RMDN2: variants seen among roughly 807,000 people sequenced by gnomAD.
The protein encoded by RMDN2 is regulator of microtubule dynamics protein 2.
In RMDN2, 61 loss-of-function variants were observed where a neutral mutation model predicts 52.8. The ratio of observed to expected loss-of-function variants is 1.16; its 90% CI spans 0.94 to 1.43. The LOEUF is 1.43. RMDN2 is among the 40% of genes most tolerant of loss of function. The probability of loss-of-function intolerance (pLI) is 0.00; values close to 1 mark genes in which losing one functional copy is unlikely to be tolerated. For synonymous variants in RMDN2, 180 were observed against 153.1 expected, an observed-to-expected ratio of 1.18 and a Z score of -1.30; for missense variants, 592 against 475.3, an observed-to-expected ratio of 1.25 and a Z score of -2.28.
At chr2:37,964,283 C>G (rs1670742034) in intron 2 of RMDN2, among the ~76,000 whole-genome samples, 1 of 152,228 alleles carries the variant, frequency 6.6e-6, no homozygotes, top group African/African-American at 2.4e-5. Context: ...GTCCGTTGTA[C>G]AAAAATCTTC....
intron 2 of RMDN2, among the ~76,000 whole-genome samples, chr2:37,946,651 C>T (rs560972807): frequency 5.9e-5 from 9 of 152,300 alleles, no homozygotes; most frequent in South Asian, 2.1e-4. Context: ...AAGGATTACT[C>T]AGGAGGTGGT....
chr2:37,932,939 C>T (rs950897901), intron 2 of RMDN2, among the ~76,000 whole-genome samples: 4 of 150,104 alleles, frequency 2.7e-5, no homozygotes, highest in Admixed American at 6.6e-5. Flanking sequence ...CCCTCCCGGA[C>T]GAGGTGGCTG....
At chr2:37,973,748 G>A (rs1436587249) in intron 2 of RMDN2, among the ~76,000 whole-genome samples, 1 of 152,084 alleles carries the variant, frequency 6.6e-6, no homozygotes, top group Non-Finnish European at 1.5e-5. Context: ...AGCAAGTGGA[G>A]GTTCCGAGGT....
chr2:38,004,503 C>T (rs898806496), intron 10 of RMDN2, among the ~76,000 whole-genome samples: 1 of 152,104 alleles, frequency 6.6e-6, no homozygotes, highest in African/African-American at 2.4e-5. Flanking sequence ...GATCCACTCT[C>T]TTAGCAAATT....
chr2:37,939,579 A>G lies in RMDN2; in HGVS notation c.452+9850A>G, dbSNP rs138409428. On this transcript the variant is annotated intron_variant, in intron 2 of 10. Coordinates refer to ENST00000354545, the MANE Select transcript of RMDN2 (RefSeq NM_001170791.3). ...GCTTTATGAATCTGGGTGCTCTTGT[A>G]TTGGGTGAGTATATATTTAGGATAG... Among the ~76,000 whole-genome samples, 641 of 152,270 alleles carry G rather than the reference A, an allele frequency of 4.2e-3. 7 individuals carry two copies. The highest frequency in any genetic ancestry group is 0.014 in the African/African-American group (585 of 41,556).
downstream of RMDN2, among the ~76,000 whole-genome samples, chr2:38,018,443 C>G (rs1679080693): frequency 6.6e-6 from 1 of 152,188 alleles, no homozygotes; most frequent in African/African-American, 2.4e-5. Flanking sequence ...AGTGCAGTGA[C>G]TGATTCACAG....
downstream of RMDN2, among the ~76,000 whole-genome samples, chr2:38,021,971 T>A (rs17021854): frequency 0.1 from 15,589 of 152,250 alleles, 2,583 homozygotes; most frequent in African/African-American, 0.35. Context: ...TTTAATCCTC[T>A]GTCCAATCCA....
Position 38,003,939 on chromosome 2 carries a change from C to G in RMDN2, c.1045-52C>G, listed in dbSNP as rs1279808328. 4 of 1,294,884 alleles carry G rather than the reference C, an allele frequency of 3.1e-6. 1 individual carries two copies. The South Asian group carries it at 4.7e-5, about 15-fold the overall frequency. The allele number at this position is 1,294,884 out of a possible 1,614,324, so 80.2% of individuals were successfully genotyped here. On this transcript the variant is annotated intron_variant, in intron 8 of 10. Transcript: ENST00000354545. ...AATATATTCTCTTCACTTGTGGTTA[C>G]TGTTATTTTAATATTGCCCTGTTAT... is the stretch of plus-strand genomic sequence containing the variant.
At position 37,995,618 on chromosome 2, in the gene RMDN2, TG is replaced by T. The variant is rs1558526419; in HGVS notation, c.946-1796del. On this transcript the variant is annotated intron_variant, in intron 7 of 10. Coordinates refer to ENST00000354545, the MANE Select transcript of RMDN2 (RefSeq NM_001170791.3). The stretch of plus-strand genomic sequence containing the variant: ...AAAAATGTATTAGTTTGTAAAACAT[TG>T]GAGCCTCACATTTAATAAGCTTGAT... Among the ~76,000 whole-genome samples, 3 of 152,322 alleles carry T rather than the reference TG, an allele frequency of 2.0e-5. No individual in the cohort carries two copies. The East Asian group carries it at 5.8e-4, about 29-fold the overall frequency.
chr2:38,048,103 C>T (rs1681382235), intron 10 of RMDN2, among the ~76,000 whole-genome samples: 1 of 152,212 alleles, frequency 6.6e-6, no homozygotes, highest in Non-Finnish European at 1.5e-5. Context: ...AACTTCATTT[C>T]TCCTTCTTTG....
In RMDN2 at chr2:37,929,417, A is replaced by T. The variant is rs1396135142; in HGVS notation, c.140A>T (p.Asn47Ile). 5.8e-6 allele frequency: 9 copies of T among 1,551,636 alleles called. No individual in the cohort carries two copies. The highest frequency in any genetic ancestry group is 7.0e-6 in the Non-Finnish European group (8 of 1,146,872). Residue 47 changes from asparagine to isoleucine, a missense_variant, in exon 2 of 11, where the codon AAT becomes ATT. Coordinates refer to ENST00000354545, the MANE Select transcript of RMDN2 (RefSeq NM_001170791.3). ...MKLPEFLSLGNTFNSITLQDE... is the reference protein window; with the variant it reads ...MKLPEFLSLGITFNSITLQDE... The stretch of plus-strand genomic sequence containing the variant: ...TTACCTGAATTTCTTTCTCTGGGTA[A>T]TACATTTAATTCAATAACTTTGCAA...
intron 2 of RMDN2, among the ~76,000 whole-genome samples, chr2:37,944,841 T>C (rs1030379425): frequency 6.6e-6 from 1 of 152,204 alleles, no homozygotes; most frequent in Non-Finnish European, 1.5e-5. Flanking sequence ...TGTTTTCACC[T>C]GAGAGATACT....
intron 5 of RMDN2, among the ~76,000 whole-genome samples, chr2:37,981,947 C>A (rs112035806): frequency 7.8e-4 from 118 of 151,656 alleles, no homozygotes; most frequent in African/African-American, 2.8e-3. Flanking sequence ...AATTATTATT[C>A]TTCCTTTTTC....
At chr2:38,012,992 G>A (rs1469313899) in intron 10 of RMDN2, among the ~76,000 whole-genome samples, 3 of 152,220 alleles carry the variant, frequency 2.0e-5, no homozygotes, top group Non-Finnish European at 2.9e-5. Context: ...GATATTGGGA[G>A]TGTCAGTCGT....
At chr2:37,926,960 T>C (rs1051459082) in intron 1 of RMDN2, among the ~76,000 whole-genome samples, 3 of 152,304 alleles carry the variant, frequency 2.0e-5, no homozygotes, top group South Asian at 4.1e-4. Context: ...AATGACTTCA[T>C]ACAACCTTTG....
At chr2:37,930,879 C>T (rs1267984271) in intron 2 of RMDN2, among the ~76,000 whole-genome samples, 1 of 152,096 alleles carries the variant, frequency 6.6e-6, no homozygotes, top group East Asian at 1.9e-4. Flanking sequence ...CCTTCCGCCT[C>T]CGCCTGACAT....
chr2:38,003,228 G>T (rs1676550102), intron 8 of RMDN2, among the ~76,000 whole-genome samples: 3 of 152,086 alleles, frequency 2.0e-5, no homozygotes, highest in African/African-American at 7.2e-5. Flanking sequence ...CTTGCCATGG[G>T]GTACCAGTCA....
chr2:37,956,549 C>G (rs1669485908), intron 2 of RMDN2, among the ~76,000 whole-genome samples: 1 of 150,274 alleles, frequency 6.7e-6, no homozygotes. Context: ...CTGATTTAAT[C>G]TCTCTTATTC....
intron 10 of RMDN2, among the ~76,000 whole-genome samples, chr2:38,064,463 C>G (rs1682186953): frequency 1.3e-5 from 2 of 151,518 alleles, no homozygotes; most frequent in South Asian, 4.2e-4. Context: ...GCACTCCAGC[C>G]TGGGTGACAG....
Sources: allele counts gnomAD v4.1 joint callset (sites outside exome capture counted in the v4.1 genomes callset), GRCh38; gene constraint gnomAD v4.1.1; transcripts MANE v1.5; gene names NCBI Gene and HGNC (gene_info 2026-07-23, HGNC 2026-07-21).